MTMR3: variants seen among roughly 807,000 people sequenced by gnomAD.
MTMR3 encodes phosphatidylinositol-3,5-bisphosphate 3-phosphatase MTMR3.
In MTMR3, 32 loss-of-function variants were observed where a neutral mutation model predicts 132.4. The ratio of observed to expected loss-of-function variants is 0.24; its 90% confidence interval spans 0.18 to 0.32. The LOEUF is 0.32. Ranked by LOEUF, MTMR3 falls within the 10% of genes least tolerant of loss-of-function variation. MTMR3 has a pLI of 1.00. For missense variants in MTMR3, 1,216 were observed against 1,489.6 expected, an observed-to-expected ratio of 0.82 and a Z score of 3.02; for synonymous variants, 556 against 550.3, an observed-to-expected ratio of 1.01 and a Z score of -0.14.
At position 30,007,941 on chromosome 22, in the gene MTMR3, C is replaced by T. The variant is rs201032661; in HGVS notation, c.918C>T (p.Ala306=). Residue 306 remains alanine, a synonymous_variant, in exon 11 of 20, where the codon GCC becomes GCT. Coordinates refer to ENST00000401950, the MANE Select transcript of MTMR3 (RefSeq NM_021090.4). Reference sequence around the variant, plus strand: ...ATGCTTCAGGAGCAGAGAGTTTAGCCATCCAACCGCAGAAGCTTTTGATCT... The same window carrying T: ...ATGCTTCAGGAGCAGAGAGTTTAGCTATCCAACCGCAGAAGCTTTTGATCT... The part of the protein sequence containing the change: ...LSNASGAESL[A]IQPQKLLILD... The T allele has an allele frequency of 1.2e-6, 2 of 1,613,510 alleles. No individual in the cohort carries two copies. The highest frequency in any genetic ancestry group is 8.5e-7 in the Non-Finnish European group (1 of 1,180,006).
intron 1 of MTMR3, among the ~76,000 whole-genome samples, chr22:29,911,429 A>G (rs1544429): frequency 0.94 from 143,031 of 152,146 alleles, 67,323 homozygotes; most frequent in East Asian, 1. Flanking sequence ...TGTGGTCCCA[A>G]CTACTTGGGA....
At chr22:29,910,840 G>T (rs1745710373) in intron 1 of MTMR3, among the ~76,000 whole-genome samples, 1 of 151,644 alleles carries the variant, frequency 6.6e-6, no homozygotes. Flanking sequence ...ATTATGAAGA[G>T]AAACCAGAGC....
At chr22:29,966,297 A>G (rs2066413583) in intron 2 of MTMR3, among the ~76,000 whole-genome samples, 1 of 152,230 alleles carries the variant, frequency 6.6e-6, no homozygotes, top group African/African-American at 2.4e-5. Flanking sequence ...ATCATCAGAT[A>G]TTTAGTATGT....
intron 1 of MTMR3, among the ~76,000 whole-genome samples, chr22:29,949,582 G>T (rs1230819180): frequency 1.4e-5 from 2 of 146,142 alleles, no homozygotes; most frequent in Non-Finnish European, 3.0e-5. Flanking sequence ...GGCCTTTGCT[G>T]CCTGTCTCAT....
chr22:29,943,627 A>G (rs1182931018), intron 1 of MTMR3, among the ~76,000 whole-genome samples: 1 of 152,090 alleles, frequency 6.6e-6, no homozygotes, highest in Non-Finnish European at 1.5e-5. Flanking sequence ...AGGAATTGGT[A>G]TGTTATGACT....
intron 1 of MTMR3, among the ~76,000 whole-genome samples, chr22:29,934,690 T>C (rs1001373378): frequency 1.3e-5 from 2 of 152,202 alleles, no homozygotes; most frequent in African/African-American, 4.8e-5. Context: ...TTGTTTGTCC[T>C]ACCCTGTTAT....
chr22:29,939,828 G>C (rs2065820748), intron 1 of MTMR3, among the ~76,000 whole-genome samples: 1 of 152,120 alleles, frequency 6.6e-6, no homozygotes, highest in Non-Finnish European at 1.5e-5. Context: ...CCTGTGACCT[G>C]CCCGTATACA....
chr22:29,949,400 G>A (rs2066027668), intron 1 of MTMR3, among the ~76,000 whole-genome samples: 2 of 151,036 alleles, frequency 1.3e-5, no homozygotes. Context: ...GGAGGCTGAA[G>A]CAGGAGAATC....
At chr22:29,885,732 GAA>G (rs34712757) in intron 1 of MTMR3, among the ~76,000 whole-genome samples, 1 of 152,188 alleles carries the variant, frequency 6.6e-6, no homozygotes, top group Non-Finnish European at 1.5e-5. Flanking sequence ...TATGTATTGT[GAA>G]AAGTTCTTGA....
At chr22:29,934,971 A>G (rs976426113) in intron 1 of MTMR3, among the ~76,000 whole-genome samples, 10 of 152,244 alleles carry the variant, frequency 6.6e-5, no homozygotes, top group African/African-American at 2.2e-4. Context: ...TATTAAGCAT[A>G]TATTTTTCTA....
chr22:30,018,697 C>T (rs1375933527), intron 16 of MTMR3: 1 of 151,110 alleles, frequency 6.6e-6, no homozygotes, highest in African/African-American at 2.4e-5. Context: ...ATCCAAGATC[C>T]ATTGCACTCC....
In MTMR3 at chr22:29,886,993, A is replaced by T. The variant is rs542261744; in HGVS notation, c.-138+3634A>T. Among the ~76,000 whole-genome samples the T allele has an allele frequency of 5.3e-5, 8 of 152,308 alleles. No individual in the cohort carries two copies. In the South Asian group the frequency reaches 1.7e-3, roughly 32 times the overall value. ...GTGTAACATTGATTTAAGTTATAAG[A>T]TGATATCAGATTCATACTGGATTGA... is the stretch of plus-strand genomic sequence containing the variant. On this transcript the variant is annotated intron_variant, in intron 1 of 19. Transcript: ENST00000401950.
intron 2 of MTMR3, among the ~76,000 whole-genome samples, chr22:29,969,764 T>G (rs1383012568): frequency 6.6e-6 from 1 of 152,142 alleles, no homozygotes; most frequent in Non-Finnish European, 1.5e-5. Context: ...ACTCCTGACC[T>G]CGTGATCTGC....
At chr22:29,929,671 G>A (rs1350910469) in intron 1 of MTMR3, among the ~76,000 whole-genome samples, 8 of 151,836 alleles carry the variant, frequency 5.3e-5, no homozygotes, top group African/African-American at 9.7e-5. Flanking sequence ...CACCATGCCC[G>A]GCTAACTTTT....
At chr22:29,942,556 C>T (rs777298918) in intron 1 of MTMR3, among the ~76,000 whole-genome samples, 4 of 152,144 alleles carry the variant, frequency 2.6e-5, no homozygotes, top group Non-Finnish European at 2.9e-5. Context: ...GGGAGCACTA[C>T]GGGAGACTAG....
Position 30,012,357 on chromosome 22 carries a change from T to G in MTMR3, c.1122-11T>G. The G allele has an allele frequency of 1.2e-6, 2 of 1,610,568 alleles. No individual in the cohort carries two copies. Among genetic ancestry groups the G allele is most frequent in the Non-Finnish European group, 1.7e-6 (2 of 1,178,866 alleles). On this transcript the variant is annotated splice_polypyrimidine_tract_variant and intron_variant, in intron 12 of 19. Coordinates refer to ENST00000401950, the MANE Select transcript of MTMR3 (RefSeq NM_021090.4). Reference sequence around the variant, plus strand: ...AAATCAGCATTTTCTAATCCTCTCCTGTTTTTATAGTTGGCTATCAGCTCT... The same window carrying G: ...AAATCAGCATTTTCTAATCCTCTCCGGTTTTTATAGTTGGCTATCAGCTCT...
intron 12 of MTMR3, chr22:30,011,122 G>T (rs2067410225): frequency 6.6e-6 from 1 of 152,156 alleles, no homozygotes; most frequent in Admixed American, 6.5e-5. Flanking sequence ...ATTCCACAGG[G>T]TTTAGTAGGC....
At chr22:29,890,883 A>G (rs929701783) in intron 1 of MTMR3, among the ~76,000 whole-genome samples, 1 of 152,160 alleles carries the variant, frequency 6.6e-6, no homozygotes, top group African/African-American at 2.4e-5. Flanking sequence ...GGTGCGGTAC[A>G]TGGTTCTGTG....
rs1019763980 is a variant in MTMR3 at position 29,961,099 on chromosome 22, T to C, written c.-85+4011T>C. On this transcript the variant is annotated intron_variant, in intron 2 of 19. Coordinates refer to ENST00000401950, the MANE Select transcript of MTMR3 (RefSeq NM_021090.4). ...AAAATTACAGAACATTGAAAACTTA[T>C]GGCAAGTTGATAAATATGTGTTGTG... Among the ~76,000 whole-genome samples the C allele has an allele frequency of 4.6e-5, 7 of 152,280 alleles. No individual in the cohort carries two copies. The South Asian group carries it at 6.2e-4, about 14-fold the overall frequency.
Sources: gnomAD v4.1 joint callset for allele counts (sites outside exome capture counted in the v4.1 genomes callset) on GRCh38, gnomAD v4.1.1 for gene constraint, MANE v1.5 for transcripts, NCBI Gene and HGNC (gene_info 2026-07-23, HGNC 2026-07-21) for gene names.